NKAIN3: variants seen among roughly 807,000 people sequenced by gnomAD.
NKAIN3 encodes sodium/potassium-transporting ATPase subunit beta-1-interacting protein 3.
Under a neutral mutation model 30.2 loss-of-function variants are expected in NKAIN3, and 25 were observed. The observed-to-expected ratio is 0.83, with a 90% CI of 0.60 to 1.16. The LOEUF is 1.16. Among genes scored for constraint, NKAIN3 ranks in the 50% most tolerant of loss-of-function variants. The pLI is 0.00. For missense variants in NKAIN3, 225 were observed against 254.1 expected, an observed-to-expected ratio of 0.89 and a Z score of 0.78; for synonymous variants, 91 against 89.6, an observed-to-expected ratio of 1.02 and a Z score of -0.09.
At chr8:62,827,742 A>G (rs115201166) in intron 4 of NKAIN3, among the ~76,000 whole-genome samples, 2,673 of 152,294 alleles carry the variant, frequency 0.018, 75 homozygotes, top group African/African-American at 0.06. Context: ...ATGAAGCTCT[A>G]TGTATCCACC....
intron 3 of NKAIN3, among the ~76,000 whole-genome samples, chr8:62,709,625 A>T (rs1814652505): frequency 1.3e-5 from 2 of 151,914 alleles, no homozygotes; most frequent in South Asian, 4.1e-4. Context: ...TTCTTGGTTT[A>T]TCTTGTTAAT....
intron 4 of NKAIN3, among the ~76,000 whole-genome samples, chr8:62,907,213 T>C (rs914279037): frequency 4.6e-5 from 7 of 152,180 alleles, no homozygotes; most frequent in Non-Finnish European, 1.0e-4. Context: ...ATTTAGGGTA[T>C]CAGACGGAAG....
intron 4 of NKAIN3, among the ~76,000 whole-genome samples, chr8:62,846,742 G>T (rs1462474167): frequency 1.3e-5 from 2 of 152,064 alleles, no homozygotes; most frequent in Admixed American, 1.3e-4. Context: ...GGTAGGCATT[G>T]TATTAATCTG....
intron 4 of NKAIN3, among the ~76,000 whole-genome samples, chr8:62,805,732 A>G (rs1040356805): frequency 6.6e-6 from 1 of 152,246 alleles, no homozygotes; most frequent in African/African-American, 2.4e-5. Context: ...CATTCAGGAC[A>G]TAGGCCTGGG....
chr8:62,472,190 T>A (rs79951563), intron 1 of NKAIN3, among the ~76,000 whole-genome samples: 6,492 of 152,168 alleles, frequency 0.043, 463 homozygotes, highest in African/African-American at 0.15. Flanking sequence ...GTTACAGATT[T>A]GATTCAACCC....
rs1291392987 is a variant in NKAIN3 at position 62,403,248 on chromosome 8, T to C, written c.54+154121T>C. On this transcript the variant is annotated intron_variant, in intron 1 of 6. Coordinates refer to ENST00000623646, the MANE Select transcript of NKAIN3 (RefSeq NM_001304533.3). ...TCAAGAGGAAGCACGCCTAAAAGTTTGGAAATTTTGCAGCCTGACAATGTG... is the reference window on the plus strand; with the variant it reads ...TCAAGAGGAAGCACGCCTAAAAGTTCGGAAATTTTGCAGCCTGACAATGTG... Among the ~76,000 whole-genome samples, 3 of 152,166 alleles carry C rather than the reference T, an allele frequency of 2.0e-5. No homozygotes were observed. The East Asian group carries it at 5.8e-4, about 29-fold the overall frequency.
intron 3 of NKAIN3, among the ~76,000 whole-genome samples, chr8:62,665,590 C>A (rs1813073620): frequency 6.6e-6 from 1 of 152,106 alleles, no homozygotes. Flanking sequence ...GGTGATTGGG[C>A]CACAGGGAAA....
chr8:62,632,112 G>GC (rs1278455615), intron 3 of NKAIN3, among the ~76,000 whole-genome samples: 1 of 152,082 alleles, frequency 6.6e-6, no homozygotes, highest in African/African-American at 2.4e-5. Flanking sequence ...TCATGTGGTG[G>GC]CCTCTCAGTG....
rs556168802 is a variant in NKAIN3, at chr8:62,909,866, T to C, written c.472-8587T>C. On this transcript the variant is annotated intron_variant, in intron 4 of 6. Transcript: ENST00000623646. ...TAATATTTCTAGTATGGCATGTCAT[T>C]GTCTTATTGTTTTCAGCTAATGGTA... Among the ~76,000 whole-genome samples, 6 of 152,284 alleles carry C rather than the reference T, an allele frequency of 3.9e-5. No individual in the cohort carries two copies. In the South Asian group the frequency reaches 1.2e-3, roughly 32 times the overall value.
Position 62,936,733 on chromosome 8 carries a change from T to G in NKAIN3, c.533-17169T>G, listed in dbSNP as rs149772591. ...TTCCATCTTATTTTTGGACATTTTC[T>G]ACATTCCACTTCCCCCATAAAATTC... On this transcript the variant is annotated intron_variant, in intron 5 of 6. Transcript: ENST00000623646. Among the ~76,000 whole-genome samples the G allele has an allele frequency of 1.5e-4, 23 of 152,306 alleles. No homozygotes were observed. The East Asian group carries it at 3.9e-3, about 26-fold the overall frequency.
chr8:62,909,149 C>T (rs1821863306), intron 4 of NKAIN3, among the ~76,000 whole-genome samples: 1 of 152,134 alleles, frequency 6.6e-6, no homozygotes, highest in Non-Finnish European at 1.5e-5. Flanking sequence ...CCTCCTAGTA[C>T]CTACAGGTGT....
At chr8:62,569,405 G>T (rs1265891230) in intron 1 of NKAIN3, among the ~76,000 whole-genome samples, 2 of 152,170 alleles carry the variant, frequency 1.3e-5, no homozygotes, top group Admixed American at 6.6e-5. Flanking sequence ...TCCCTTGGGA[G>T]TTGAATAGAT....
intron 3 of NKAIN3, among the ~76,000 whole-genome samples, chr8:62,644,773 T>G (rs946022931): frequency 6.6e-6 from 1 of 152,168 alleles, no homozygotes; most frequent in Non-Finnish European, 1.5e-5. Flanking sequence ...AGGTCTTTAA[T>G]TTTCATCATC....
intron 1 of NKAIN3, among the ~76,000 whole-genome samples, chr8:62,534,577 A>C (rs757832858): frequency 6.6e-6 from 1 of 152,196 alleles, no homozygotes; most frequent in African/African-American, 2.4e-5. Flanking sequence ...AACATAACAC[A>C]GCGGTTTTCA....
intron 1 of NKAIN3, among the ~76,000 whole-genome samples, chr8:62,281,394 T>C (rs191531379): frequency 6.6e-6 from 1 of 152,202 alleles, no homozygotes; most frequent in African/African-American, 2.4e-5. Context: ...GCTCTGATCT[T>C]AGTTATTTCT....
intron 1 of NKAIN3, among the ~76,000 whole-genome samples, chr8:62,273,933 G>T (rs1272756898): frequency 6.6e-6 from 1 of 152,140 alleles, no homozygotes; most frequent in Non-Finnish European, 1.5e-5. Flanking sequence ...GACAATCTGG[G>T]CCAGGTGCTG....
At chr8:62,958,838 G>A (rs1823492039) in intron 6 of NKAIN3, among the ~76,000 whole-genome samples, 1 of 152,108 alleles carries the variant, frequency 6.6e-6, no homozygotes, top group African/African-American at 2.4e-5. Context: ...TTAGAGCAAG[G>A]CAGTTTATCA....
chr8:62,479,329 C>A (rs1806629543), intron 1 of NKAIN3, among the ~76,000 whole-genome samples: 1 of 152,168 alleles, frequency 6.6e-6, no homozygotes, highest in South Asian at 2.1e-4. Context: ...GCCCCCTAAG[C>A]AACCCAGCAA....
intron 3 of NKAIN3, among the ~76,000 whole-genome samples, chr8:62,683,281 A>G (rs967708310): frequency 2.0e-5 from 3 of 151,984 alleles, no homozygotes; most frequent in Non-Finnish European, 4.4e-5. Context: ...TGATCCGCCC[A>G]CCTCGGCCTC....
Sources: gnomAD v4.1 joint callset for allele counts (sites outside exome capture counted in the v4.1 genomes callset) on GRCh38, gnomAD v4.1.1 for gene constraint, MANE v1.5 for transcripts, NCBI Gene and HGNC (gene_info 2026-07-23, HGNC 2026-07-21) for gene names.